The following CNTNAP3B variants were observed in gnomAD, a reference collection of about 807,000 sequenced individuals.
The protein encoded by CNTNAP3B is contactin associated protein family member 3B, also known as contactin-associated protein-like 3B.
A neutral mutation model predicts 108.9 loss-of-function variants in CNTNAP3B; 25 were observed. The ratio of observed to expected loss-of-function variants is 0.23; its 90% CI spans 0.17 to 0.32. The LOEUF (loss-of-function observed/expected upper bound fraction) is 0.32, where lower values mean the gene tolerates loss of function less well. Ranked by LOEUF, CNTNAP3B falls within the 10% of genes least tolerant of loss-of-function variation. CNTNAP3B has a pLI of 1.00. For missense variants in CNTNAP3B, 252 were observed against 1,210.4 expected, an observed-to-expected ratio of 0.21 and a Z score of 11.75; for synonymous variants, 103 against 473.4, an observed-to-expected ratio of 0.22 and a Z score of 10.16.
chr9:42,127,935 A>G lies in CNTNAP3B; in HGVS notation c.85+1075T>C, dbSNP rs960356571. On this transcript the variant is annotated intron_variant, in intron 1 of 23. Transcript: ENST00000377561. ...GAAAGCTACCCTTGGTTATCCTGCA[A>G]TAATCTAAATTTCCAAACATGGCCA... 2.1e-5 allele frequency among the ~76,000 whole-genome samples: 3 copies of G among 139,910 alleles called. 1 individual carries two copies. The highest frequency in any genetic ancestry group is 4.6e-5 in the Non-Finnish European group (3 of 65,156). 91.8% of individuals were successfully genotyped at this position (139,910 alleles called of 152,430 possible).
chr9:41,966,440 G>A (rs1389908977), intron 10 of CNTNAP3B, among the ~76,000 whole-genome samples: 1 of 152,288 alleles, frequency 6.6e-6, no homozygotes, highest in African/African-American at 2.4e-5. Flanking sequence ...ACAAATAATA[G>A]AGGAAGTAGC....
intron 1 of CNTNAP3B, among the ~76,000 whole-genome samples, chr9:42,121,016 T>C (rs1465604410): frequency 7.2e-6 from 1 of 139,064 alleles, no homozygotes; most frequent in East Asian, 2.2e-4. Context: ...GTTCGAGTTC[T>C]CTCTTTGTCT....
intron 18 of CNTNAP3B, among the ~76,000 whole-genome samples, chr9:41,918,347 T>A (rs1413401838): frequency 6.7e-6 from 1 of 148,314 alleles, no homozygotes; most frequent in African/African-American, 2.5e-5. Flanking sequence ...TCTACAGTAT[T>A]CTGAGAGAGA....
intron 13 of CNTNAP3B, among the ~76,000 whole-genome samples, chr9:41,951,877 G>A (rs1190629909): frequency 1.8e-4 from 27 of 152,234 alleles, no homozygotes; most frequent in Admixed American, 1.8e-3. Flanking sequence ...AGGAGTTCAA[G>A]AACAGCCTGA....
chr9:41,925,912 G>A (rs1265911181), intron 15 of CNTNAP3B, among the ~76,000 whole-genome samples: 2 of 152,256 alleles, frequency 1.3e-5, no homozygotes, highest in Non-Finnish European at 2.9e-5. Flanking sequence ...AGCAGAGAAT[G>A]ACAGAAAATG....
At chr9:41,925,066 G>A (rs1405521612) in intron 15 of CNTNAP3B, among the ~76,000 whole-genome samples, 20 of 152,082 alleles carry the variant, frequency 1.3e-4, no homozygotes, top group Non-Finnish European at 2.6e-4. Flanking sequence ...CTTGTAAAGT[G>A]GCATTTGTCC....
chr9:42,075,526 G>A (rs1827468776), intron 3 of CNTNAP3B, among the ~76,000 whole-genome samples: 3 of 131,904 alleles, frequency 2.3e-5, no homozygotes, highest in African/African-American at 6.1e-5. Flanking sequence ...TAACCTTTAC[G>A]CTCTTTCCCC....
intron 15 of CNTNAP3B, among the ~76,000 whole-genome samples, chr9:41,927,818 T>G (rs1317530620): frequency 1.3e-5 from 2 of 151,866 alleles, no homozygotes; most frequent in South Asian, 4.2e-4. Flanking sequence ...ATTACTGACA[T>G]TGGGAAAAGC....
intron 2 of CNTNAP3B, among the ~76,000 whole-genome samples, chr9:42,097,257 C>T (rs1469032448): frequency 7.1e-6 from 1 of 140,186 alleles, no homozygotes; most frequent in Admixed American, 7.1e-5. Flanking sequence ...GGCAGGAGTG[C>T]ACAGCAGGCA....
At chr9:41,965,948 C>T (rs1327053391) in intron 10 of CNTNAP3B, among the ~76,000 whole-genome samples, 202 of 149,288 alleles carry the variant, frequency 1.4e-3, no homozygotes, top group African/African-American at 4.6e-3. Context: ...ACCACCAGCT[C>T]AGGGCCAAGA....
intron 11 of CNTNAP3B, among the ~76,000 whole-genome samples, chr9:41,961,460 TC>T (rs1825088951): frequency 6.6e-6 from 1 of 152,426 alleles, no homozygotes; most frequent in African/African-American, 2.4e-5. Flanking sequence ...AGAATTAAAC[TC>T]TATAATTAAG....
intron 15 of CNTNAP3B, among the ~76,000 whole-genome samples, chr9:41,924,671 A>G (rs1588042377): frequency 2.0e-5 from 3 of 151,306 alleles, no homozygotes; most frequent in Admixed American, 1.3e-4. Flanking sequence ...ACACACACAC[A>G]CACACACACA....
At position 41,964,645 on chromosome 9, in the gene CNTNAP3B, C is replaced by T; in HGVS notation, c.1650-1G>A. 2.0e-6 allele frequency: 3 copies of T among 1,482,154 alleles called. No homozygotes were observed. Among genetic ancestry groups the T allele is most frequent in the South Asian group, 1.4e-5 (1 of 70,836 alleles). The allele number at this position is 1,482,154 out of a possible 1,614,324, so 91.8% of individuals were successfully genotyped here. On this transcript the variant is annotated splice_acceptor_variant, in intron 10 of 23. Coordinates refer to ENST00000377561, the MANE Select transcript of CNTNAP3B (RefSeq NM_001201380.3). LOFTEE classifies it high-confidence loss of function. ...ATGCTCACAGTAGCTGGGCAAGCACCTAAAAGAAAACAGATACAACTGCTG... is the reference window on the plus strand; with the variant it reads ...ATGCTCACAGTAGCTGGGCAAGCACTTAAAAGAAAACAGATACAACTGCTG...
chr9:41,919,947 A>T (rs1469674720), intron 18 of CNTNAP3B, 123 bp downstream of exon 18: 1 of 597,340 alleles, frequency 1.7e-6, no homozygotes, highest in African/African-American at 1.9e-5. Flanking sequence ...TTGGTACAGA[A>T]ATTATTCCAT....
intron 12 of CNTNAP3B, among the ~76,000 whole-genome samples, chr9:41,958,674 C>T (rs1167902521): frequency 2.0e-5 from 3 of 151,574 alleles, no homozygotes; most frequent in African/African-American, 4.9e-5. Context: ...GGGTAATTTC[C>T]TTCCTCCAGG....
chr9:42,089,735 A>C (rs1827777880), intron 2 of CNTNAP3B, among the ~76,000 whole-genome samples: 1 of 147,502 alleles, frequency 6.8e-6, no homozygotes, highest in Non-Finnish European at 1.5e-5. Flanking sequence ...ATAGTGGAGA[A>C]ATATGAGGAG....
chr9:41,958,818 G>A (rs1224753315), intron 12 of CNTNAP3B, among the ~76,000 whole-genome samples: 1 of 150,564 alleles, frequency 6.6e-6, no homozygotes, highest in African/African-American at 2.5e-5. Context: ...TGTACTTCAA[G>A]ACGGTTCCTT....
At position 42,120,715 on chromosome 9, in the gene CNTNAP3B, T is replaced by C. The variant is rs28375290; in HGVS notation, c.85+8295A>G. Among the ~76,000 whole-genome samples the C allele has an allele frequency of 5.4e-4, 71 of 131,362 alleles. 8 individuals carry two copies. The highest frequency in any genetic ancestry group is 2.2e-3 in the African/African-American group (71 of 32,150). 86.2% of individuals were successfully genotyped at this position (131,362 alleles called of 152,430 possible). On this transcript the variant is annotated intron_variant, in intron 1 of 23. Coordinates refer to ENST00000377561, the MANE Select transcript of CNTNAP3B (RefSeq NM_001201380.3). Reference sequence around the variant, plus strand: ...GAAACCATCATTCTCAGCAAACTATTGCAAGGACAAAAAACCAAACACCGC... The same window carrying C: ...GAAACCATCATTCTCAGCAAACTATCGCAAGGACAAAAAACCAAACACCGC...
intron 14 of CNTNAP3B, among the ~76,000 whole-genome samples, chr9:41,934,624 C>A (rs1259232336): frequency 7.9e-5 from 12 of 152,410 alleles, no homozygotes; most frequent in African/African-American, 2.6e-4. Context: ...TTATCCCTAA[C>A]AATGCTTTTC....
Sources: allele counts gnomAD v4.1 joint callset (sites outside exome capture counted in the v4.1 genomes callset), GRCh38; gene constraint gnomAD v4.1.1; transcripts MANE v1.5; gene names NCBI Gene and HGNC (gene_info 2026-07-23, HGNC 2026-07-21).